The following CACNA2D3 variants were observed in gnomAD, a reference collection of about 807,000 sequenced individuals.
CACNA2D3 encodes calcium voltage-gated channel auxiliary subunit alpha2delta 3, also known as voltage-dependent calcium channel subunit alpha-2/delta-3.
In CACNA2D3, 60 loss-of-function variants were observed where a neutral mutation model predicts 160.6. The ratio of observed to expected loss-of-function variants is 0.37; its 90% confidence interval spans 0.30 to 0.46. The LOEUF (loss-of-function observed/expected upper bound fraction) is 0.46, where lower values mean the gene tolerates loss of function less well. CACNA2D3 is among the 20% of genes least tolerant of loss of function. The probability of loss-of-function intolerance (pLI) is 1.00; values close to 1 mark genes in which losing one functional copy is unlikely to be tolerated. For missense variants in CACNA2D3, 1,205 were observed against 1,365.0 expected (o/e 0.88, Z 1.85); for synonymous variants, 558 against 492.9 (o/e 1.13, Z -1.75).
chr3:54,732,164 G>C (rs184526097), intron 11 of CACNA2D3, among the ~76,000 whole-genome samples: 1 of 152,298 alleles, frequency 6.6e-6, no homozygotes, highest in East Asian at 1.9e-4. Flanking sequence ...TGTTTCCTTT[G>C]AGCCTGATAT....
intron 2 of CACNA2D3, among the ~76,000 whole-genome samples, chr3:54,186,991 A>G (rs530814593): frequency 9.2e-5 from 14 of 152,310 alleles, no homozygotes; most frequent in African/African-American, 2.9e-4. Flanking sequence ...AATGCCATTC[A>G]TCTACAAGAG....
intron 24 of CACNA2D3, among the ~76,000 whole-genome samples, chr3:54,888,308 CGA>C (rs1699974473): frequency 6.6e-6 from 1 of 152,080 alleles, no homozygotes; most frequent in African/African-American, 2.4e-5. Context: ...GTGACACTTC[CGA>C]GAGAGAGGGA....
At chr3:55,033,798 A>G (rs1359337655) in intron 35 of CACNA2D3, among the ~76,000 whole-genome samples, 1 of 126,434 alleles carries the variant, frequency 7.9e-6, no homozygotes, top group African/African-American at 3.4e-5. Flanking sequence ...AATATATTTT[A>G]TATAATATGT....
At chr3:54,849,365 T>C (rs945958045) in intron 17 of CACNA2D3, among the ~76,000 whole-genome samples, 5 of 152,224 alleles carry the variant, frequency 3.3e-5, no homozygotes, top group African/African-American at 7.2e-5. Context: ...TTTTGTTCAC[T>C]TATCCCTGCT....
chr3:54,821,680 CTTT>C (rs1233369405), intron 14 of CACNA2D3, among the ~76,000 whole-genome samples: 1,308 of 130,028 alleles, frequency 0.01, 22 homozygotes, highest in African/African-American at 0.03. Context: ...TTCTTTCTTT[CTTT>C]CTTTCTTTCT....
intron 8 of CACNA2D3, among the ~76,000 whole-genome samples, chr3:54,571,945 C>T (rs1446897330): frequency 6.6e-6 from 1 of 152,146 alleles, no homozygotes; most frequent in Non-Finnish European, 1.5e-5. Context: ...GTGCACAGGG[C>T]TCCTTAGCCA....
intron 11 of CACNA2D3, among the ~76,000 whole-genome samples, chr3:54,714,891 C>T (rs1316766624): frequency 6.6e-6 from 1 of 152,176 alleles, no homozygotes; most frequent in African/African-American, 2.4e-5. Context: ...AAAATCCAAA[C>T]TCAGTTTCTC....
intron 14 of CACNA2D3, among the ~76,000 whole-genome samples, chr3:54,834,134 T>C (rs894767300): frequency 5.3e-5 from 8 of 152,274 alleles, no homozygotes; most frequent in Non-Finnish European, 1.0e-4. Flanking sequence ...TTGAAGTTAG[T>C]TTCTCATAAT....
chr3:54,508,708 A>G (rs1701410795), intron 5 of CACNA2D3, among the ~76,000 whole-genome samples: 1 of 152,174 alleles, frequency 6.6e-6, no homozygotes, highest in South Asian at 2.1e-4. Flanking sequence ...GGAGGTGTGA[A>G]TTGCAGGACA....
At chr3:54,821,192 A>G (rs1703583096) in intron 14 of CACNA2D3, among the ~76,000 whole-genome samples, 1 of 152,220 alleles carries the variant, frequency 6.6e-6, no homozygotes, top group South Asian at 2.1e-4. Context: ...TATCAACCTG[A>G]GAATTCTGAG....
chr3:54,236,584 G>T (rs892702544), intron 2 of CACNA2D3, among the ~76,000 whole-genome samples: 2 of 152,106 alleles, frequency 1.3e-5, no homozygotes, highest in Non-Finnish European at 2.9e-5. Flanking sequence ...ATTGAGGGGT[G>T]GGTTAGAAAA....
chr3:54,774,795 T>C (rs1702395093), intron 13 of CACNA2D3, among the ~76,000 whole-genome samples: 1 of 151,750 alleles, frequency 6.6e-6, no homozygotes, highest in African/African-American at 2.4e-5. Flanking sequence ...CCACCACACC[T>C]GGCTAACTTT....
intron 2 of CACNA2D3, among the ~76,000 whole-genome samples, chr3:54,285,695 G>C (rs1703000835): frequency 6.6e-6 from 1 of 152,216 alleles, no homozygotes; most frequent in Non-Finnish European, 1.5e-5. Flanking sequence ...GGGGCAGACA[G>C]ACACATCACA....
At chr3:54,383,622 C>T (rs1575425814) in intron 3 of CACNA2D3, among the ~76,000 whole-genome samples, 1 of 152,012 alleles carries the variant, frequency 6.6e-6, no homozygotes, top group Non-Finnish European at 1.5e-5. Flanking sequence ...GTGCTTGCTT[C>T]GGCAGCACAT....
chr3:54,788,478 G>A (rs538118249), intron 13 of CACNA2D3, among the ~76,000 whole-genome samples: 15 of 152,252 alleles, frequency 9.9e-5, no homozygotes, highest in South Asian at 6.2e-4. Context: ...TCCATTCAAG[G>A]AGCCAGTCGG....
chr3:54,775,323 G>A (rs1702406816), intron 13 of CACNA2D3, among the ~76,000 whole-genome samples: 1 of 152,182 alleles, frequency 6.6e-6, no homozygotes, highest in Non-Finnish European at 1.5e-5. Flanking sequence ...ATACCATACT[G>A]TTAAGCTATG....
At chr3:54,692,987 A>G (rs1178365732) in intron 11 of CACNA2D3, among the ~76,000 whole-genome samples, 1 of 151,488 alleles carries the variant, frequency 6.6e-6, no homozygotes, top group Admixed American at 6.6e-5. Context: ...AGAGTTGGAT[A>G]TCAGATACCT....
intron 4 of CACNA2D3, among the ~76,000 whole-genome samples, chr3:54,456,459 T>C (rs890864512): frequency 9.9e-5 from 15 of 152,004 alleles, no homozygotes; most frequent in African/African-American, 3.6e-4. Flanking sequence ...CTAAGAGTTT[T>C]GGTGGAGTCT....
At chr3:54,326,529 A>G (rs1015982885) in intron 3 of CACNA2D3, among the ~76,000 whole-genome samples, 1 of 152,198 alleles carries the variant, frequency 6.6e-6, no homozygotes, top group Non-Finnish European at 1.5e-5. Flanking sequence ...CATCTGATCT[A>G]TAGACATTGT....
Sources: allele counts gnomAD v4.1 joint callset (sites outside exome capture counted in the v4.1 genomes callset), GRCh38; gene constraint gnomAD v4.1.1; transcripts MANE v1.5; gene names NCBI Gene and HGNC (gene_info 2026-07-23, HGNC 2026-07-21).